The following MAST4 variants were observed in gnomAD, a reference collection of about 807,000 sequenced individuals.
The protein encoded by MAST4 is microtubule-associated serine/threonine-protein kinase 4.
MAST4 carries 89 observed loss-of-function variants against 162.7 expected under a neutral mutation model. The observed-to-expected ratio is 0.55, with a 90% confidence interval of 0.46 to 0.65. The LOEUF is 0.65. Among genes scored for constraint, MAST4 ranks in the 30% least tolerant of loss-of-function variants. The pLI is 0.00. For missense variants in MAST4, 3,153 were observed against 3,374.0 expected (o/e 0.93, Z 1.62); for synonymous variants, 1,479 against 1,361.1 (o/e 1.09, Z -1.91).
At chr5:67,086,962 C>T (rs1390793724) in intron 5 of MAST4, among the ~76,000 whole-genome samples, 1 of 152,148 alleles carries the variant, frequency 6.6e-6, no homozygotes, top group Non-Finnish European at 1.5e-5. Flanking sequence ...AATAGTATTG[C>T]TAAGTCTTCA....
At chr5:66,881,617 AGTT>A (rs1761701218) in intron 3 of MAST4, among the ~76,000 whole-genome samples, 1 of 152,296 alleles carries the variant, frequency 6.6e-6, no homozygotes, top group Admixed American at 6.5e-5. Flanking sequence ...CAGTCATCAG[AGTT>A]GTGCTTGCCA....
chr5:67,142,082 C>T (rs1770463067), intron 19 of MAST4, 33 bp from the exon 20 acceptor site: 2 of 1,606,230 alleles, frequency 1.2e-6, no homozygotes, highest in Admixed American at 1.7e-5. Flanking sequence ...TAGTTTAACA[C>T]TTTCCTCTCT....
intron 12 of MAST4, 35 bp downstream of exon 12, chr5:67,114,254 C>G (rs989044837): frequency 2.5e-6 from 4 of 1,589,858 alleles, no homozygotes; most frequent in Non-Finnish European, 3.4e-6. Context: ...TTTGACTTTG[C>G]TTATGCACTG....
intron 17 of MAST4, 127 bp from the exon 18 acceptor site, chr5:67,134,396 T>TA: frequency 3.2e-6 from 2 of 630,804 alleles, no homozygotes; most frequent in Non-Finnish European, 5.2e-6. Context: ...TCTTAAGTTC[T>TA]TTGTCCATGT....
rs1321640186 is a variant in MAST4, at chr5:66,601,468, C to G, written c.363+4450C>G. Among the ~76,000 whole-genome samples the G allele has an allele frequency of 2.0e-5, 3 of 152,152 alleles. No individual in the cohort carries two copies. In the East Asian group the frequency reaches 5.8e-4, roughly 29 times the overall value. ...GTTTCAAAAAGTGGCAAATGGGGAA[C>G]AGGCTGTGAGGTAGCATGTGGCTGC... On this transcript the variant is annotated intron_variant, in intron 1 of 28. Coordinates refer to ENST00000403625, the MANE Select transcript of MAST4 (RefSeq NM_001164664.2).
chr5:66,909,890 C>G (rs1237779433), intron 4 of MAST4, among the ~76,000 whole-genome samples: 1 of 152,184 alleles, frequency 6.6e-6, no homozygotes, highest in Non-Finnish European at 1.5e-5. Flanking sequence ...AGTTCTTCTG[C>G]ACAAGCTCTC....
intron 1 of MAST4, among the ~76,000 whole-genome samples, chr5:66,599,920 T>G (rs1028953663): frequency 2.0e-5 from 3 of 149,816 alleles, no homozygotes; most frequent in Non-Finnish European, 4.5e-5. Flanking sequence ...TCTAAAGGGG[T>G]GTGTGTGTGT....
intron 1 of MAST4, among the ~76,000 whole-genome samples, chr5:66,719,430 T>C (rs1030005340): frequency 2.0e-5 from 3 of 152,224 alleles, no homozygotes; most frequent in Admixed American, 2.0e-4. Flanking sequence ...AACTATCAGC[T>C]GAGTAAACAC....
chr5:66,750,712 C>G (rs563506369), intron 1 of MAST4, among the ~76,000 whole-genome samples: 1 of 152,298 alleles, frequency 6.6e-6, no homozygotes, highest in African/African-American at 2.4e-5. Context: ...GGTAGCGAGG[C>G]TGGGGGAGGG....
intron 5 of MAST4, among the ~76,000 whole-genome samples, chr5:67,084,971 A>T (rs573734549): frequency 6.6e-5 from 10 of 152,328 alleles, no homozygotes; most frequent in South Asian, 2.1e-4. Flanking sequence ...ACTGCAATTA[A>T]ATGTAACATC....
At chr5:66,837,092 T>C (rs1758031870) in intron 3 of MAST4, among the ~76,000 whole-genome samples, 1 of 145,670 alleles carries the variant, frequency 6.9e-6, no homozygotes, top group South Asian at 2.3e-4. Flanking sequence ...GGAAAGAGCA[T>C]TCATGAGCTT....
At chr5:67,158,671 C>A (rs769698585) in intron 26 of MAST4, among the ~76,000 whole-genome samples, 1 of 152,114 alleles carries the variant, frequency 6.6e-6, no homozygotes, top group Non-Finnish European at 1.5e-5. Context: ...CTGAATAAAT[C>A]ATTTCTTAAA....
At chr5:67,145,522 T>C in intron 23 of MAST4, 143 bp downstream of exon 23, 2 of 659,904 alleles carry the variant, frequency 3.0e-6, no homozygotes, top group Non-Finnish European at 5.2e-6. Context: ...GTCCTTAGGC[T>C]TGGGACACGA....
At position 67,150,751 on chromosome 5, in the gene MAST4, C is replaced by T. The variant is rs1013681724; in HGVS notation, c.3295+1162C>T. On this transcript the variant is annotated intron_variant, in intron 24 of 28. Coordinates refer to ENST00000403625, the MANE Select transcript of MAST4 (RefSeq NM_001164664.2). The stretch of plus-strand genomic sequence containing the variant: ...TGGGATCTATGTGTGTCCACAGTGA[C>T]CTCCTCCCACCTGCATGTCTTGAAG... Among the ~76,000 whole-genome samples the T allele has an allele frequency of 6.6e-5, 10 of 152,264 alleles. No individual in the cohort carries two copies. The East Asian group carries it at 1.9e-3, about 29-fold the overall frequency.
At chr5:66,954,759 C>T (rs548628264) in intron 4 of MAST4, among the ~76,000 whole-genome samples, 2 of 151,884 alleles carry the variant, frequency 1.3e-5, no homozygotes, top group South Asian at 2.1e-4. Flanking sequence ...AAATTAGCTG[C>T]GTGTGATGAC....
chr5:66,948,082 A>C (rs1476155378), intron 4 of MAST4, among the ~76,000 whole-genome samples: 1 of 152,172 alleles, frequency 6.6e-6, no homozygotes, highest in Non-Finnish European at 1.5e-5. Flanking sequence ...CATACCCTGC[A>C]TATAAAGAAG....
intron 25 of MAST4, 122 bp from the exon 26 acceptor site, chr5:67,153,336 T>TTA: frequency 9.9e-7 from 1 of 1,013,550 alleles, no homozygotes; most frequent in Non-Finnish European, 1.4e-6. Flanking sequence ...AACGTACCTG[T>TTA]TAGATTTTCT....
intron 1 of MAST4, among the ~76,000 whole-genome samples, chr5:66,687,469 T>A (rs1025392283): frequency 2.6e-5 from 4 of 152,018 alleles, no homozygotes; most frequent in Admixed American, 1.3e-4. Flanking sequence ...ATAGTATACA[T>A]GTATATATGT....
At chr5:67,125,687 A>G (rs903989998) in intron 14 of MAST4, among the ~76,000 whole-genome samples, 1 of 152,134 alleles carries the variant, frequency 6.6e-6, no homozygotes, top group African/African-American at 2.4e-5. Context: ...AGTCTTTGCT[A>G]TTGTGAACAG....
Sources: gnomAD v4.1 joint callset for allele counts (sites outside exome capture counted in the v4.1 genomes callset) on GRCh38, gnomAD v4.1.1 for gene constraint, MANE v1.5 for transcripts, NCBI Gene and HGNC (gene_info 2026-07-23, HGNC 2026-07-21) for gene names.